Variants in STK32C observed in about 807,000 individuals in gnomAD.
The protein encoded by STK32C is serine/threonine-protein kinase 32C.
A neutral mutation model predicts 56.5 loss-of-function variants in STK32C; 31 were observed. The ratio of observed to expected loss-of-function variants is 0.55; its 90% CI spans 0.41 to 0.74. The LOEUF is 0.74. Among genes scored for constraint, STK32C ranks in the 30% least tolerant of loss-of-function variants. The pLI, the probability that STK32C is intolerant of heterozygous loss-of-function variation, is 0.00. For synonymous variants in STK32C, 309 were observed against 289.4 expected (o/e 1.07, Z -0.69); for missense variants, 544 against 676.9 (o/e 0.80, Z 2.18).
intron 10 of STK32C, among the ~76,000 whole-genome samples, chr10:132,212,443 C>T (rs919117028): frequency 1.3e-5 from 2 of 152,162 alleles, no homozygotes; most frequent in African/African-American, 4.8e-5. Context: ...CACAGCTAAA[C>T]GCAAGAGCTG....
chr10:132,307,613 G>T lies in STK32C; in HGVS notation c.221C>A (p.Ala74Glu). Residue 74 changes from alanine (A) to glutamate (E), a missense_variant, in exon 1 of 12, where the codon GCG becomes GAG. By Grantham distance (107) the Ala-to-Glu change is moderately radical. Transcript: ENST00000298630. This position sits in a 1 kb window ranked among gnomAD's most constrained non-coding sequence, Gnocchi z 4.4. ...AAACACCGGCCTCCGCGCGGTGGCC[G>T]CCGACATGGACGAGCCCATCCTCTT... The part of the protein sequence containing the change: ...WKKRMGSSMS[A>E]ATARRPVFDD... 1 of 1,545,134 alleles carries T rather than the reference G, an allele frequency of 6.5e-7. No individual in the cohort carries two copies.
At chr10:132,320,290 T>A (rs951442226), downstream of STK32C, among the ~76,000 whole-genome samples, 1 of 151,780 alleles carries the variant, frequency 6.6e-6, no homozygotes, top group Admixed American at 6.6e-5. Flanking sequence ...GCCAGAGTGG[T>A]GAGGGCAGAC....
chr10:132,306,527 GC>G (rs2066068570), intron 1 of STK32C, among the ~76,000 whole-genome samples: 1 of 152,160 alleles, frequency 6.6e-6, no homozygotes, highest in African/African-American at 2.4e-5. Flanking sequence ...GCGGTGCACG[GC>G]CCCACACTCA....
At chr10:132,317,425 C>T (rs2066328092) in intron 1 of STK32C, among the ~76,000 whole-genome samples, 1 of 152,164 alleles carries the variant, frequency 6.6e-6, no homozygotes, top group Non-Finnish European at 1.5e-5. Context: ...CTCAAAAATA[C>T]ACAATTAAGA....
intron 1 of STK32C, among the ~76,000 whole-genome samples, chr10:132,280,794 C>T (rs565250840): frequency 1.4e-5 from 2 of 147,892 alleles, no homozygotes; most frequent in Admixed American, 1.3e-4. Context: ...CACGCCACTG[C>T]ACCCCGTGAT....
intron 1 of STK32C, among the ~76,000 whole-genome samples, chr10:132,313,816 C>G (rs968729245): frequency 6.6e-6 from 1 of 152,204 alleles, no homozygotes; most frequent in Admixed American, 6.5e-5. Flanking sequence ...ATGACAAGGA[C>G]CAGGTCAAGA....
At chr10:132,243,990 G>A (rs2063597516) in intron 2 of STK32C, among the ~76,000 whole-genome samples, 1 of 152,214 alleles carries the variant, frequency 6.6e-6, no homozygotes, top group Admixed American at 6.5e-5. Flanking sequence ...CAGCCCCTCT[G>A]AACTGAGGCC....
At chr10:132,291,349 T>G (rs1350098400) in intron 1 of STK32C, among the ~76,000 whole-genome samples, 1 of 152,188 alleles carries the variant, frequency 6.6e-6, no homozygotes, top group Non-Finnish European at 1.5e-5. Context: ...TCCCCTTGGA[T>G]GTTCTCGATC....
At chr10:132,237,568 G>A (rs1363919494) in intron 2 of STK32C, among the ~76,000 whole-genome samples, 12 of 152,234 alleles carry the variant, frequency 7.9e-5, no homozygotes, top group Non-Finnish European at 1.5e-5. Context: ...AGGTCCCCAC[G>A]CAGGGTTTCT....
chr10:132,225,232 C>T lies in STK32C; in HGVS notation c.876+1G>A. 12 of 1,606,286 alleles carry T rather than the reference C, an allele frequency of 7.5e-6. No homozygotes were observed. Among genetic ancestry groups the T allele is most frequent in the Non-Finnish European group, 1.0e-5 (12 of 1,176,260 alleles). On this transcript the variant is annotated splice_donor_variant, in intron 7 of 11. Transcript: ENST00000298630. LOFTEE classifies it high-confidence loss of function. ...GCCCAGGGGCTGCAGGGGGTCCATACCCATCCTCGCAGCAGCTCATAGGCC... is the reference window on the plus strand; with the variant it reads ...GCCCAGGGGCTGCAGGGGGTCCATATCCATCCTCGCAGCAGCTCATAGGCC...
At chr10:132,318,667 A>G (rs540308562) in intron 1 of STK32C, among the ~76,000 whole-genome samples, 1 of 152,278 alleles carries the variant, frequency 6.6e-6, no homozygotes, top group Admixed American at 6.5e-5. Flanking sequence ...ATTTCACCAA[A>G]TAAGACATAC....
chr10:132,331,420 TC>T, intron 1 of STK32C: 2 of 1,598,880 alleles, frequency 1.3e-6, no homozygotes, highest in Non-Finnish European at 1.7e-6. Context: ...TCAAAACCCT[TC>T]CTCAGGACAC....
At chr10:132,247,418 A>G (rs4880359) in intron 1 of STK32C, among the ~76,000 whole-genome samples, 74,433 of 152,048 alleles carry the variant, frequency 0.49, 18,804 homozygotes, top group East Asian at 0.74. Context: ...CACACCCAGA[A>G]TTCTTTCAGC....
intron 1 of STK32C, chr10:132,330,426 C>G (rs2066633117): frequency 2.8e-6 from 2 of 717,188 alleles, no homozygotes; most frequent in African/African-American, 1.7e-5. Context: ...TCTCCTTGCT[C>G]TGCCCGGGTG....
At position 132,307,941 on chromosome 10, in the gene STK32C, G is replaced by C. The variant is rs1160343811; in HGVS notation, c.-108C>G. ...GCTCGGGGCCGGCAGCGCCCGCCGT[G>C]CGCTCTTCTGGGCGGTGGAACCCGC... On this transcript the variant is annotated 5_prime_UTR_variant, in exon 1 of 12. Transcript: ENST00000298630. The surrounding 1 kb of genome is among the most constrained non-coding windows in gnomAD (Gnocchi z 4.4). 6.6e-6 allele frequency: 7 copies of C among 1,066,664 alleles called. No homozygotes were observed. The highest frequency in any genetic ancestry group is 7.9e-6 in the Non-Finnish European group (7 of 882,428). 66.1% of individuals were successfully genotyped at this position (1,066,664 alleles called of 1,614,324 possible).
At chr10:132,330,410 T>C (rs1227671730) in intron 1 of STK32C, 1 of 717,054 alleles carries the variant, frequency 1.4e-6, no homozygotes, top group East Asian at 2.7e-5. Flanking sequence ...ATGTCACTCC[T>C]CATTCTCTCC....
Position 132,208,907 on chromosome 10 carries a change from C to A in STK32C, c.1319+127G>T, listed in dbSNP as rs2062195048. 6 of 833,050 alleles carry A rather than the reference C, an allele frequency of 7.2e-6. No homozygotes were observed. The East Asian group carries it at 1.6e-4, about 22-fold the overall frequency. 51.6% of individuals were successfully genotyped at this position (833,050 alleles called of 1,614,324 possible). A position where few individuals can be genotyped will look rare whatever the true frequency, so the allele number is the denominator to read the frequency against. ...CCCCTCCATAGCTGCTGCTCAGAGT[C>A]CCCAAAGAGAGCAGGGCCACGCACC... On this transcript the variant is annotated intron_variant, in intron 11 of 11. Coordinates refer to ENST00000298630, the MANE Select transcript of STK32C (RefSeq NM_173575.4).
At chr10:132,331,740 G>A (rs1237530975) in exon 1 of STK32C, 2 of 1,611,946 alleles carry the variant, frequency 1.2e-6, no homozygotes, top group African/African-American at 1.3e-5. Context: ...TTAGCATCCC[G>A]CTCTCTTCCT....
At chr10:132,283,293 A>G (rs1409227727) in intron 1 of STK32C, among the ~76,000 whole-genome samples, 1 of 152,250 alleles carries the variant, frequency 6.6e-6, no homozygotes, top group Non-Finnish European at 1.5e-5. Flanking sequence ...TGACTGTAAC[A>G]CGGGTAAGTT....
Sources: allele counts gnomAD v4.1 joint callset (sites outside exome capture counted in the v4.1 genomes callset), GRCh38; gene constraint gnomAD v4.1.1; non-coding constraint Gnocchi (gnomAD v3.1); transcripts MANE v1.5; gene names NCBI Gene and HGNC (gene_info 2026-07-23, HGNC 2026-07-21).